CDK19: variants seen among roughly 807,000 people sequenced by gnomAD.
CDK19 encodes cyclin dependent kinase 19, also known as cyclin-dependent kinase 19.
In CDK19, 20 loss-of-function variants were observed where a neutral mutation model predicts 68.3. That is an observed-to-expected ratio of 0.29 (90% CI 0.21 to 0.43). CDK19 has a LOEUF of 0.43. CDK19 is among the 20% of genes least tolerant of loss of function. The pLI, the probability that CDK19 is intolerant of heterozygous loss-of-function variation, is 1.00. For synonymous variants in CDK19, 221 were observed against 222.8 expected (o/e 0.99, Z 0.07); for missense variants, 339 against 623.5 (o/e 0.54, Z 4.86).
At position 110,815,157 on chromosome 6, in the gene CDK19, G is replaced by T; in HGVS notation, c.-21C>A. The T allele has an allele frequency of 2.6e-6, 4 of 1,567,900 alleles. No individual in the cohort carries two copies. The highest frequency in any genetic ancestry group is 3.5e-6 in the Non-Finnish European group (4 of 1,158,814). ...TCCATTGTCTGCTTCCCCCATAGAG[G>T]CACGGGACGCGGGGGCCGCCGCCGC... On this transcript the variant is annotated 5_prime_UTR_variant, in exon 1 of 13. Coordinates refer to ENST00000368911, the MANE Select transcript of CDK19 (RefSeq NM_015076.5).
At chr6:110,776,689 C>T in intron 1 of CDK19, among the ~76,000 whole-genome samples, 1 of 152,208 alleles carries the variant, frequency 6.6e-6, no homozygotes, top group East Asian at 1.9e-4. Flanking sequence ...CTGCACCCTC[C>T]TCTAAAGCAG....
intron 12 of CDK19, among the ~76,000 whole-genome samples, chr6:110,619,084 T>G (rs941016837): frequency 6.6e-6 from 1 of 152,198 alleles, no homozygotes; most frequent in Non-Finnish European, 1.5e-5. Flanking sequence ...ATGGGACACC[T>G]GACTGCCCCT....
chr6:110,780,713 G>A (rs928133971), intron 1 of CDK19, among the ~76,000 whole-genome samples: 1 of 151,882 alleles, frequency 6.6e-6, no homozygotes, highest in Admixed American at 6.6e-5. Context: ...GCATTGTACT[G>A]CACAATTAAA....
intron 1 of CDK19, among the ~76,000 whole-genome samples, chr6:110,789,684 G>A (rs907483000): frequency 3.9e-5 from 6 of 152,102 alleles, no homozygotes; most frequent in African/African-American, 1.4e-4. Context: ...TGCTGGGATT[G>A]CAGGAATGAG....
chr6:110,796,463 C>T (rs965453622), intron 1 of CDK19, among the ~76,000 whole-genome samples: 5 of 151,310 alleles, frequency 3.3e-5, no homozygotes, highest in African/African-American at 1.2e-4. Flanking sequence ...GACCAGCCAA[C>T]ACAACATGGT....
chr6:110,734,942 T>G (rs984115875), intron 2 of CDK19, among the ~76,000 whole-genome samples: 4 of 152,230 alleles, frequency 2.6e-5, no homozygotes, highest in Non-Finnish European at 5.9e-5. Context: ...TAAATATTAT[T>G]CAAATAATTA....
In CDK19 at chr6:110,670,551, A is replaced by G; in HGVS notation, c.205-10T>C. On this transcript the variant is annotated splice_polypyrimidine_tract_variant and intron_variant, in intron 2 of 12. Coordinates refer to ENST00000368911, the MANE Select transcript of CDK19 (RefSeq NM_015076.5). The stretch of plus-strand genomic sequence containing the variant: ...TCAATTCTCGCAAAAGCTGAATGCA[A>G]AAGAAAGAGAGGGGTCACTGTTGTG... The G allele has an allele frequency of 6.6e-7, 1 of 1,504,488 alleles. No individual in the cohort carries two copies. The highest frequency in any genetic ancestry group is 9.3e-7 in the Non-Finnish European group (1 of 1,080,378). 93.2% of individuals were successfully genotyped at this position (1,504,488 alleles called of 1,614,324 possible). A position where few individuals can be genotyped will look rare whatever the true frequency, so the allele number is the denominator to read the frequency against.
At chr6:110,694,560 T>C (rs950624847) in intron 2 of CDK19, among the ~76,000 whole-genome samples, 4 of 152,100 alleles carry the variant, frequency 2.6e-5, no homozygotes, top group African/African-American at 9.7e-5. Context: ...ACAGTAATAG[T>C]GGGGGACCTC....
At chr6:110,779,504 T>C (rs777296907) in intron 1 of CDK19, among the ~76,000 whole-genome samples, 30 of 152,192 alleles carry the variant, frequency 2.0e-4, no homozygotes, top group Non-Finnish European at 3.8e-4. Context: ...AGGAAACGAT[T>C]TGTAACTCTT....
rs541533335 is a variant in CDK19 at position 110,670,463 on chromosome 6, G to A, written c.283C>T (p.Leu95=). 18 of 1,610,196 alleles carry A rather than the reference G, an allele frequency of 1.1e-5. No individual in the cohort carries two copies. Among genetic ancestry groups the A allele is most frequent in the African/African-American group, 2.7e-5 (2 of 74,808 alleles). ...TCATGCTCTGCATAATCAAACAGCA[G>A]CCATACCTTCCTGTCACTGTGAGAA... ...FLSHSDRKVW[L]LFDYAEHDLW... The change falls in exon 3 of 13, where the codon CTG becomes TTG. Residue 95 remains leucine, a synonymous_variant. Coordinates refer to ENST00000368911, the MANE Select transcript of CDK19 (RefSeq NM_015076.5).
chr6:110,795,353 T>C (rs1034404079), intron 1 of CDK19, among the ~76,000 whole-genome samples: 2 of 152,190 alleles, frequency 1.3e-5, no homozygotes, highest in Admixed American at 6.5e-5. Context: ...AGAGGGGTGG[T>C]ACCTCAACCA....
chr6:110,646,348 A>G (rs1780575003), intron 4 of CDK19: 2 of 1,465,500 alleles, frequency 1.4e-6, no homozygotes, highest in Non-Finnish European at 1.8e-6. Flanking sequence ...ATGCACTTCG[A>G]GTGCCTCTTC....
intron 4 of CDK19, among the ~76,000 whole-genome samples, chr6:110,664,977 C>A (rs1781834760): frequency 6.6e-6 from 1 of 151,976 alleles, no homozygotes; most frequent in African/African-American, 2.4e-5. Context: ...AGGGAACACT[C>A]AATAGTTCAG....
At chr6:110,804,644 C>T (rs1444720785) in intron 1 of CDK19, among the ~76,000 whole-genome samples, 1 of 150,288 alleles carries the variant, frequency 6.7e-6, no homozygotes, top group African/African-American at 2.4e-5. Context: ...CCACACCCCG[C>T]CAAGTTAAAG....
Position 110,621,287 on chromosome 6 carries a change from T to C in CDK19, c.1194A>G (p.Pro398=), listed in dbSNP as rs1778699711. 3 of 1,611,156 alleles carry C rather than the reference T, an allele frequency of 1.9e-6. No individual in the cohort carries two copies. The South Asian group carries it at 3.3e-5, about 18-fold the overall frequency. Residue 398 remains proline, a synonymous_variant, in exon 12 of 13, where the codon CCA becomes CCG. Coordinates refer to ENST00000368911, the MANE Select transcript of CDK19 (RefSeq NM_015076.5). The surrounding 1 kb of genome is among the most constrained non-coding windows in gnomAD (Gnocchi z 5.4). Reference sequence around the variant, plus strand: ...CGTTGGTCTGGGTGCTGTTCTGCTGTGGTGGGGGCGCCTGTGGAGGGGCTG... The same window carrying C: ...CGTTGGTCTGGGTGCTGTTCTGCTGCGGTGGGGGCGCCTGTGGAGGGGCTG... ...QAAAPPQAPP[P]QQNSTQTNGT... is the part of the protein sequence containing the mutation.
At chr6:110,638,184 G>A (rs9487471) in intron 5 of CDK19, among the ~76,000 whole-genome samples, 5,840 of 152,260 alleles carry the variant, frequency 0.038, 136 homozygotes, top group South Asian at 0.083. Context: ...TTTGGAAAAG[G>A]TATGTTAGTA....
At chr6:110,786,570 A>G (rs1462236211) in intron 1 of CDK19, among the ~76,000 whole-genome samples, 1 of 152,140 alleles carries the variant, frequency 6.6e-6, no homozygotes, top group Non-Finnish European at 1.5e-5. Context: ...TCTCTTTCAT[A>G]ATGTAGACAA....
At chr6:110,777,757 G>A (rs1780511304) in intron 1 of CDK19, among the ~76,000 whole-genome samples, 3 of 152,200 alleles carry the variant, frequency 2.0e-5, no homozygotes, top group Admixed American at 2.0e-4. Flanking sequence ...TTCCCTTAAC[G>A]GATGAGTGGA....
intron 4 of CDK19, among the ~76,000 whole-genome samples, chr6:110,641,082 T>G (rs1276339179): frequency 1.3e-5 from 2 of 151,966 alleles, no homozygotes; most frequent in Non-Finnish European, 2.9e-5. Context: ...ATACCTGAAA[T>G]GAGATTGGTT....
Sources: allele counts gnomAD v4.1 joint callset (sites outside exome capture counted in the v4.1 genomes callset), GRCh38; gene constraint gnomAD v4.1.1; non-coding constraint Gnocchi (gnomAD v3.1); transcripts MANE v1.5; gene names NCBI Gene and HGNC (gene_info 2026-07-23, HGNC 2026-07-21).